AGGF1: variants seen among roughly 807,000 people sequenced by gnomAD.
AGGF1 encodes angiogenic factor with G-patch and FHA domains 1.
A neutral mutation model predicts 86.5 loss-of-function variants in AGGF1; 56 were observed. That is an observed-to-expected ratio of 0.65 (90% CI 0.52 to 0.81). The LOEUF (loss-of-function observed/expected upper bound fraction) is 0.81. AGGF1 is among the 30% of genes least tolerant of loss of function. The pLI is 0.00. For missense variants in AGGF1, 816 were observed against 850.9 expected (o/e 0.96, Z 0.51); for synonymous variants, 313 against 297.1 (o/e 1.05, Z -0.55).
At chr5:77,047,846 T>C (rs1170937582) in intron 6 of AGGF1, among the ~76,000 whole-genome samples, 1 of 150,730 alleles carries the variant, frequency 6.6e-6, no homozygotes, top group Non-Finnish European at 1.5e-5. Flanking sequence ...ATGGACTCAA[T>C]TTTTATAACT....
chr5:77,036,772 C>G, intron 4 of AGGF1, 52 bp downstream of exon 4: 1 of 1,594,148 alleles, frequency 6.3e-7, no homozygotes, highest in South Asian at 1.1e-5. Flanking sequence ...CAGTCTCCCT[C>G]TGTCACCCCG....
At chr5:77,050,279 A>G (rs1301710728) in intron 8 of AGGF1, among the ~76,000 whole-genome samples, 3 of 128,452 alleles carry the variant, frequency 2.3e-5, no homozygotes, top group Non-Finnish European at 1.6e-5. Context: ...AGATAGTTCT[A>G]TGGTGGCTTT....
At chr5:77,055,447 A>G (rs1005234153) in intron 10 of AGGF1, 67 bp from the exon 11 acceptor site, 4 of 1,003,338 alleles carry the variant, frequency 4.0e-6, no homozygotes, top group Admixed American at 1.9e-5. Flanking sequence ...ATTAAATAAC[A>G]TTAGTTTTAA....
chr5:77,056,533 T>C (rs1181023726), intron 11 of AGGF1, among the ~76,000 whole-genome samples: 2 of 149,828 alleles, frequency 1.3e-5, no homozygotes, highest in Non-Finnish European at 3.0e-5. Context: ...CGGCCAAGAG[T>C]GGTCTTTTAC....
At position 77,064,629 on chromosome 5, in the gene AGGF1, T is replaced by C. The variant is rs1348125757; in HGVS notation, c.*1377T>C. The C allele has an allele frequency of 2.6e-5, 4 of 152,198 alleles. No homozygotes were observed. Among genetic ancestry groups the C allele is most frequent in the African/African-American group, 9.7e-5 (4 of 41,448 alleles). 9.4% of individuals were successfully genotyped at this position (152,198 alleles called of 1,614,324 possible). Reference sequence around the variant, plus strand: ...CTCCAAATTTGGATAAAATATCTCTTTGCATTCTTCTTGGCCACCTGCATA... The same window carrying C: ...CTCCAAATTTGGATAAAATATCTCTCTGCATTCTTCTTGGCCACCTGCATA... On this transcript the variant is annotated 3_prime_UTR_variant, in exon 14 of 14. Transcript: ENST00000312916.
chr5:77,036,552 A>T lies in AGGF1; in HGVS notation c.517-4A>T. On this transcript the variant is annotated splice_polypyrimidine_tract_variant and splice_region_variant and intron_variant, in intron 3 of 13. Transcript: ENST00000312916. ...CTTATTTGGCATGACTATATCTTTT[A>T]TAGGAGCCAGCATCTGCATTAGCAA... 1 of 1,614,068 alleles carries T rather than the reference A, an allele frequency of 6.2e-7. No homozygotes were observed. The highest frequency in any genetic ancestry group is 1.7e-5 in the Admixed American group (1 of 60,022).
intron 5 of AGGF1, among the ~76,000 whole-genome samples, chr5:77,044,337 G>A (rs960924119): frequency 2.0e-5 from 3 of 152,200 alleles, no homozygotes; most frequent in Non-Finnish European, 1.5e-5. Flanking sequence ...TTGGAATTTT[G>A]AGAATTTCCT....
chr5:77,036,424 T>G, intron 3 of AGGF1, 132 bp from the exon 4 acceptor site: 1 of 928,862 alleles, frequency 1.1e-6, no homozygotes, highest in East Asian at 2.4e-5. Context: ...AAGTCATAAT[T>G]GATAGTCATG....
intron 5 of AGGF1, among the ~76,000 whole-genome samples, chr5:77,044,032 A>G (rs1472116536): frequency 1.1e-5 from 1 of 94,282 alleles, no homozygotes; most frequent in African/African-American, 4.2e-5. Flanking sequence ...GGCGGCTGGG[A>G]AGAGACGCTC....
chr5:77,043,093 G>A, intron 5 of AGGF1, among the ~76,000 whole-genome samples: 1 of 46,360 alleles, frequency 2.2e-5, no homozygotes, highest in East Asian at 7.9e-4. Context: ...GGGCAGAGGC[G>A]CCCCTCACCT....
Position 77,063,137 on chromosome 5 carries a change from A to G in AGGF1, c.2030A>G (p.Lys677Arg). The change falls in exon 14 of 14, where the codon AAG becomes AGG. Residue 677 changes from lysine (K) to arginine (R), a missense_variant. By Grantham distance (26) the Lys-to-Arg change is conservative. Coordinates refer to ENST00000312916, the MANE Select transcript of AGGF1 (RefSeq NM_018046.5). ...GAAGATGTTCACCTTCTCCAAAACA[A>G]GAACAAAAAAAACTGGGACAAAGCA... ...SFEDVHLLQN[K>R]NKKNWDKARE... 1 of 1,614,106 alleles carries G rather than the reference A, an allele frequency of 6.2e-7. No individual in the cohort carries two copies. The highest frequency in any genetic ancestry group is 8.5e-7 in the Non-Finnish European group (1 of 1,180,000).
intron 4 of AGGF1, among the ~76,000 whole-genome samples, chr5:77,038,063 C>G (rs561082107): frequency 6.6e-6 from 1 of 152,230 alleles, no homozygotes; most frequent in South Asian, 2.1e-4. Context: ...GTTCATCATT[C>G]CTGTTACTGG....
At chr5:77,051,647 G>T (rs1450961631) in intron 8 of AGGF1, among the ~76,000 whole-genome samples, 1 of 152,210 alleles carries the variant, frequency 6.6e-6, no homozygotes, top group Non-Finnish European at 1.5e-5. Flanking sequence ...ATGTAGTAAA[G>T]TTGAAGATTT....
chr5:77,035,656 A>C lies in AGGF1; in HGVS notation c.429A>C (p.Leu143Phe), dbSNP rs765051236. 3 of 1,613,476 alleles carry C rather than the reference A, an allele frequency of 1.9e-6. No individual in the cohort carries two copies. The highest frequency in any genetic ancestry group is 2.5e-6 in the Non-Finnish European group (3 of 1,179,630). ...CTATTTTGAATTCTAAAGACCATTT[A>C]CAAGTAGAAAATGATGCTTACCCTG... ...ETSILNSKDH[L>F]QVENDAYPGT... is the part of the protein sequence containing the mutation. Residue 143 changes from leucine to phenylalanine, a missense_variant, in exon 3 of 14, where the codon TTA becomes TTC. Transcript: ENST00000312916.
chr5:77,030,446 T>C lies in AGGF1; in HGVS notation c.-321T>C. 1 of 549,378 alleles carries C rather than the reference T, an allele frequency of 1.8e-6. No homozygotes were observed. Among genetic ancestry groups the C allele is most frequent in the Non-Finnish European group, 3.5e-6 (1 of 288,270 alleles). The allele number at this position is 549,378 out of a possible 1,614,324, so 34.0% of individuals were successfully genotyped here. ...AACTGGGGAGCTGCTGGAGCTCTTC[T>C]GGCCTCTGGTTTTCCGACTGCTTAT... On this transcript the variant is annotated 5_prime_UTR_variant, in exon 1 of 14. Coordinates refer to ENST00000312916, the MANE Select transcript of AGGF1 (RefSeq NM_018046.5).
intron 5 of AGGF1, among the ~76,000 whole-genome samples, chr5:77,040,498 CTGCAAGACAA>C (rs1747056191): frequency 6.6e-6 from 1 of 151,508 alleles, no homozygotes; most frequent in African/African-American, 2.4e-5. Context: ...TTTAAATGGC[CTGCAAGACAA>C]TGGTTAAGAA....
At chr5:77,034,736 T>C (rs1451017993) in intron 2 of AGGF1, among the ~76,000 whole-genome samples, 1 of 152,222 alleles carries the variant, frequency 6.6e-6, no homozygotes, top group Non-Finnish European at 1.5e-5. Context: ...ATTTCTATAA[T>C]GTTGCTAATG....
chr5:77,054,187 G>A (rs1017239487), intron 10 of AGGF1, 57 bp downstream of exon 10: 2 of 1,604,682 alleles, frequency 1.2e-6, no homozygotes, highest in Admixed American at 3.3e-5. Context: ...TTACCTAAAT[G>A]TTCTAAAAAA....
chr5:77,048,820 A>G, intron 7 of AGGF1, 116 bp from the exon 8 acceptor site: 2 of 971,468 alleles, frequency 2.1e-6, no homozygotes, highest in Non-Finnish European at 3.3e-6. Context: ...CATAACCAGG[A>G]GATTTACTGT....
Sources: allele counts gnomAD v4.1 joint callset (sites outside exome capture counted in the v4.1 genomes callset), GRCh38; gene constraint gnomAD v4.1.1; transcripts MANE v1.5; gene names NCBI Gene and HGNC (gene_info 2026-07-23, HGNC 2026-07-21).